Variants in NXPE4 observed in about 807,000 individuals in gnomAD.
NXPE4 encodes the protein NXPE family member 4.
NXPE4 carries 42 observed loss-of-function variants against 33.3 expected under a neutral mutation model. That is an observed-to-expected ratio of 1.26 (90% CI 0.98 to 1.63). NXPE4 has a LOEUF of 1.63. Ranked by LOEUF, NXPE4 falls within the 40% of genes most tolerant of loss-of-function variation. The pLI, the probability that NXPE4 is intolerant of heterozygous loss-of-function variation, is 0.00. For synonymous variants in NXPE4, 253 were observed against 234.9 expected (o/e 1.08, Z -0.71); for missense variants, 709 against 647.6 (o/e 1.09, Z -1.03).
At chr11:114,593,945 G>A (rs185082050) in intron 2 of NXPE4, among the ~76,000 whole-genome samples, 61 of 152,132 alleles carry the variant, frequency 4.0e-4, no homozygotes, top group African/African-American at 1.3e-3. Context: ...TTGCATGTTC[G>A]TTTTTATTTG....
chr11:114,645,180 T>C, the NXPE4 span, among the ~76,000 whole-genome samples: 1 of 151,970 alleles, frequency 6.6e-6, no homozygotes, highest in Admixed American at 6.6e-5. Flanking sequence ...CGTGCACTTA[T>C]AATCTCAGCT....
chr11:114,586,354 G>A (rs1265680114), intron 2 of NXPE4, among the ~76,000 whole-genome samples: 2 of 152,144 alleles, frequency 1.3e-5, no homozygotes, highest in Non-Finnish European at 1.5e-5. Flanking sequence ...GAGCCCACCT[G>A]GGATCCGAGG....
intron 5 of NXPE4, among the ~76,000 whole-genome samples, chr11:114,577,907 T>C (rs946563958): frequency 1.3e-5 from 2 of 152,206 alleles, no homozygotes; most frequent in African/African-American, 4.8e-5. Flanking sequence ...TAATAAGTAT[T>C]ACTAGTCATT....
chr11:114,625,411 G>A, the NXPE4 span, among the ~76,000 whole-genome samples: 2 of 152,090 alleles, frequency 1.3e-5, no homozygotes, highest in African/African-American at 4.8e-5. Context: ...ATTGCCTCAT[G>A]GGCAACCACT....
intron 5 of NXPE4, among the ~76,000 whole-genome samples, chr11:114,571,705 C>T (rs1265744205): frequency 6.6e-6 from 1 of 152,214 alleles, no homozygotes; most frequent in Non-Finnish European, 1.5e-5. Flanking sequence ...GCAGCTCTCA[C>T]TCAGACAAAC....
chr11:114,605,220 G>T, the NXPE4 span, among the ~76,000 whole-genome samples: 4 of 151,890 alleles, frequency 2.6e-5, no homozygotes, highest in Admixed American at 2.6e-4. Flanking sequence ...TTGCCTCGTG[G>T]GTAACTGCTG....
Position 114,570,886 on chromosome 11 carries a change from C to G in NXPE4, c.*52G>C. 3 of 1,297,558 alleles carry G rather than the reference C, an allele frequency of 2.3e-6. No homozygotes were observed. The highest frequency in any genetic ancestry group is 3.2e-6 in the Non-Finnish European group (3 of 942,254). The allele number at this position is 1,297,558 out of a possible 1,614,324, so 80.4% of individuals were successfully genotyped here. A position where few individuals can be genotyped will look rare whatever the true frequency, so the allele number is the denominator to read the frequency against. On this transcript the variant is annotated 3_prime_UTR_variant, in exon 6 of 6. Coordinates refer to ENST00000375478, the MANE Select transcript of NXPE4 (RefSeq NM_001077639.2). Reference sequence around the variant, plus strand: ...ACACAGCATCTGGCCTGCTAGTAGACAGTCAATAAATTTTTTTACTTAAGT... The same window carrying G: ...ACACAGCATCTGGCCTGCTAGTAGAGAGTCAATAAATTTTTTTACTTAAGT...
At chr11:114,676,880 A>G in the NXPE4 span, among the ~76,000 whole-genome samples, 1 of 152,068 alleles carries the variant, frequency 6.6e-6, no homozygotes, top group Non-Finnish European at 1.5e-5. Context: ...AGATGAACTG[A>G]TAAAGAAATT....
chr11:114,647,579 C>T, the NXPE4 span, among the ~76,000 whole-genome samples: 1 of 152,112 alleles, frequency 6.6e-6, no homozygotes, highest in Non-Finnish European at 1.5e-5. Flanking sequence ...CTAGGTTTTA[C>T]ATTTGCTGTT....
the NXPE4 span, among the ~76,000 whole-genome samples, chr11:114,647,709 T>TA: frequency 0.012 from 1,783 of 151,404 alleles, 24 homozygotes; most frequent in African/African-American, 0.034. Context: ...TATTTTATTT[T>TA]TTTTTTTTTT....
the NXPE4 span, among the ~76,000 whole-genome samples, chr11:114,672,679 A>T: frequency 1.9e-4 from 29 of 151,792 alleles, no homozygotes; most frequent in Non-Finnish European, 4.4e-5. Context: ...TGGACAAAAT[A>T]GACTTTAAAA....
the NXPE4 span, among the ~76,000 whole-genome samples, chr11:114,654,882 T>C: frequency 8.7e-3 from 1,327 of 152,320 alleles, 20 homozygotes; most frequent in African/African-American, 0.031. Context: ...TCTAGATCCT[T>C]GAGGAATCGC....
At chr11:114,652,798 G>C in the NXPE4 span, among the ~76,000 whole-genome samples, 7 of 152,176 alleles carry the variant, frequency 4.6e-5, no homozygotes, top group Non-Finnish European at 8.8e-5. Context: ...GGCATCTATG[G>C]CACACTGGAA....
chr11:114,620,568 C>A, the NXPE4 span, among the ~76,000 whole-genome samples: 1 of 151,710 alleles, frequency 6.6e-6, no homozygotes, highest in Non-Finnish European at 1.5e-5. Context: ...CACTGTTACG[C>A]GGTGGATAAT....
chr11:114,591,798 T>C (rs1378367253), intron 2 of NXPE4, among the ~76,000 whole-genome samples: 2 of 152,084 alleles, frequency 1.3e-5, no homozygotes, highest in African/African-American at 4.8e-5. Context: ...CCTACAAATC[T>C]GTAGGTGAAC....
the NXPE4 span, among the ~76,000 whole-genome samples, chr11:114,604,756 A>G: frequency 2.7e-5 from 4 of 147,104 alleles, no homozygotes; most frequent in African/African-American, 1.0e-4. Flanking sequence ...GTATTGCCTC[A>G]TTGGTAACCA....
the NXPE4 span, among the ~76,000 whole-genome samples, chr11:114,672,682 C>T: frequency 6.6e-5 from 10 of 151,850 alleles, no homozygotes; most frequent in African/African-American, 1.2e-4. Flanking sequence ...ACAAAATAGA[C>T]TTTAAAAGCC....
chr11:114,616,475 T>C, the NXPE4 span, among the ~76,000 whole-genome samples: 1 of 151,692 alleles, frequency 6.6e-6, no homozygotes, highest in Non-Finnish European at 1.5e-5. Context: ...ATAATAAGTG[T>C]TGCCTCGAGG....
At chr11:114,616,566 A>G in the NXPE4 span, among the ~76,000 whole-genome samples, 5 of 150,802 alleles carry the variant, frequency 3.3e-5, no homozygotes, top group Non-Finnish European at 7.4e-5. Flanking sequence ...TTATTGCCTC[A>G]TGGGTAATCA....
Sources: allele counts gnomAD v4.1 joint callset (sites outside exome capture counted in the v4.1 genomes callset), GRCh38; gene constraint gnomAD v4.1.1; transcripts MANE v1.5; gene names NCBI Gene and HGNC (gene_info 2026-07-23, HGNC 2026-07-21).